Variants in SPAG6 observed in about 807,000 individuals in gnomAD.
SPAG6 encodes sperm associated antigen 6, also known as sperm-associated antigen 6.
SPAG6 carries 49 observed loss-of-function variants against 58.5 expected under a neutral mutation model. That is an observed-to-expected ratio of 0.84 (90% CI 0.67 to 1.06). The LOEUF is 1.06. Ranked by LOEUF, SPAG6 falls within the 50% of genes least tolerant of loss-of-function variation. The pLI is 0.00. For missense variants in SPAG6, 560 were observed against 611.3 expected, an observed-to-expected ratio of 0.92 and a Z score of 0.89; for synonymous variants, 233 against 225.6, an observed-to-expected ratio of 1.03 and a Z score of -0.29.
intron 2 of SPAG6, among the ~76,000 whole-genome samples, chr10:22,352,385 T>A (rs560993244): frequency 1.2e-3 from 187 of 152,102 alleles, no homozygotes; most frequent in Admixed American, 2.2e-3. Flanking sequence ...ACCCTTTTTT[T>A]AAAAAAAATT....
intron 2 of SPAG6, among the ~76,000 whole-genome samples, chr10:22,349,738 G>C (rs2132027159): frequency 6.6e-6 from 1 of 152,324 alleles, no homozygotes; most frequent in Non-Finnish European, 1.5e-5. Context: ...TTTCAGAAGA[G>C]TAGGAATAAA....
At chr10:22,408,385 A>G (rs369794512) in intron 9 of SPAG6, among the ~76,000 whole-genome samples, 2 of 141,198 alleles carry the variant, frequency 1.4e-5, no homozygotes, top group African/African-American at 5.9e-5. Context: ...GTCTGTTGGA[A>G]TACCCTGCCG....
At chr10:22,407,187 T>C (rs2130633168) in intron 9 of SPAG6, among the ~76,000 whole-genome samples, 1 of 151,324 alleles carries the variant, frequency 6.6e-6, no homozygotes, top group East Asian at 1.9e-4. Context: ...ATTATGATGT[T>C]AGCTGGTGAT....
intron 8 of SPAG6, 103 bp downstream of exon 8, chr10:22,392,023 A>G: frequency 2.7e-6 from 2 of 742,640 alleles, no homozygotes; most frequent in Non-Finnish European, 4.3e-6. Flanking sequence ...TTATGAGTCA[A>G]GAAATACAAA....
At chr10:22,387,500 C>T (rs1409928273) in intron 5 of SPAG6, among the ~76,000 whole-genome samples, 1 of 152,102 alleles carries the variant, frequency 6.6e-6, no homozygotes, top group Non-Finnish European at 1.5e-5. Flanking sequence ...ACTAAATGAT[C>T]ACCTGTCTCA....
chr10:22,353,807 G>A (rs1257197536), intron 2 of SPAG6, among the ~76,000 whole-genome samples: 7 of 152,180 alleles, frequency 4.6e-5, no homozygotes, highest in Admixed American at 6.5e-5. Context: ...GAGGGATATC[G>A]TTCAAGGGAG....
intron 2 of SPAG6, among the ~76,000 whole-genome samples, chr10:22,349,285 A>G (rs1347109087): frequency 6.6e-6 from 1 of 152,170 alleles, no homozygotes; most frequent in Non-Finnish European, 1.5e-5. Context: ...ACAATTAAAA[A>G]GTTTAATGTC....
At chr10:22,408,139 G>C (rs568007891) in intron 9 of SPAG6, among the ~76,000 whole-genome samples, 4 of 143,664 alleles carry the variant, frequency 2.8e-5, no homozygotes, top group Non-Finnish European at 5.9e-5. Context: ...CTCTCAGCTC[G>C]TCAAAGTCAT....
At chr10:22,410,893 C>T in intron 9 of SPAG6, 138 bp from the exon 10 acceptor site, 1 of 746,686 alleles carries the variant, frequency 1.3e-6, no homozygotes, top group Non-Finnish European at 2.0e-6. Context: ...AAATTAGCAG[C>T]AGATTTGGCT....
intron 10 of SPAG6, among the ~76,000 whole-genome samples, chr10:22,414,465 CTATT>C (rs1422277803): frequency 6.6e-6 from 1 of 152,114 alleles, no homozygotes; most frequent in Non-Finnish European, 1.5e-5. Context: ...CTATAACTAA[CTATT>C]ACCTTGAAGG....
chr10:22,345,813 A>G lies in SPAG6; in HGVS notation c.116A>G (p.Asn39Ser), dbSNP rs1836506221. 1 of 1,613,014 alleles carries G rather than the reference A, an allele frequency of 6.2e-7. No individual in the cohort carries two copies. Among genetic ancestry groups the G allele is most frequent in the African/African-American group, 1.3e-5 (1 of 74,964 alleles). Residue 39 changes from asparagine (N) to serine (S), a missense_variant, in exon 2 of 11, where the codon AAC becomes AGC. By Grantham distance (46) the Asn-to-Ser change is conservative (BLOSUM62 1). Coordinates refer to ENST00000376624, the MANE Select transcript of SPAG6 (RefSeq NM_012443.4). This position sits in a 1 kb window ranked among gnomAD's most constrained non-coding sequence, Gnocchi z 6.3. Reference protein sequence around the residue: ...TRPQNIETLQNAGVMSLLRTL... With the variant: ...TRPQNIETLQSAGVMSLLRTL... ...CCCCAAAACATCGAGACGCTGCAGA[A>G]CGCGGGTGAGCCCGGAGCCCGAACC...
intron 4 of SPAG6, among the ~76,000 whole-genome samples, chr10:22,383,159 C>CT (rs1411979764): frequency 6.6e-6 from 1 of 152,072 alleles, no homozygotes; most frequent in Non-Finnish European, 1.5e-5. Context: ...TTTGGTCAAC[C>CT]TTTTTTGAGC....
At chr10:22,352,463 TTC>T (rs1160716235) in intron 2 of SPAG6, among the ~76,000 whole-genome samples, 1 of 152,232 alleles carries the variant, frequency 6.6e-6, no homozygotes, top group African/African-American at 2.4e-5. Flanking sequence ...TGAAGACATT[TTC>T]TGTCTTGTTA....
rs1450723270 is a variant in SPAG6, at chr10:22,345,602, CG to C, written c.-5del. ...AGAGCTCGAGGAGGGCAGACGGCGG[CG>C]GGGGCGCCATGAGTCAGAGGCAGGT... On this transcript the variant is annotated 5_prime_UTR_variant, in exon 1 of 11. Coordinates refer to ENST00000376624, the MANE Select transcript of SPAG6 (RefSeq NM_012443.4). The surrounding 1 kb of genome is among the most constrained non-coding windows in gnomAD (Gnocchi z 6.3). 4 of 1,528,768 alleles carry C rather than the reference CG, an allele frequency of 2.6e-6. No individual in the cohort carries two copies. Among genetic ancestry groups the C allele is most frequent in the African/African-American group, 2.8e-5 (2 of 71,540 alleles). The allele number at this position is 1,528,768 out of a possible 1,614,324, so 94.7% of individuals were successfully genotyped here. A position where few individuals can be genotyped will look rare whatever the true frequency, so the allele number is the denominator to read the frequency against.
intron 2 of SPAG6, among the ~76,000 whole-genome samples, chr10:22,351,155 G>C (rs1037976189): frequency 6.6e-6 from 1 of 152,192 alleles, no homozygotes; most frequent in Non-Finnish European, 1.5e-5. Context: ...TGGCTTTGGA[G>C]GTCTCTTTGA....
At chr10:22,348,180 G>A (rs966608371) in intron 2 of SPAG6, among the ~76,000 whole-genome samples, 3 of 152,216 alleles carry the variant, frequency 2.0e-5, no homozygotes, top group South Asian at 2.1e-4. Context: ...TAGTAGAGAC[G>A]GGGTTCCAGC....
chr10:22,369,393 G>GA (rs1427651438), intron 4 of SPAG6, among the ~76,000 whole-genome samples: 1 of 152,138 alleles, frequency 6.6e-6, no homozygotes, highest in Non-Finnish European at 1.5e-5. Flanking sequence ...AACATAAGAA[G>GA]AAAATACAGT....
intron 7 of SPAG6, 107 bp from the exon 8 acceptor site, chr10:22,391,622 A>T (rs778723193): frequency 1.0e-6 from 1 of 963,206 alleles, no homozygotes; most frequent in African/African-American, 1.7e-5. Flanking sequence ...CATTTAAGAA[A>T]AAAAGGATCA....
chr10:22,379,223 G>A (rs1833894781), intron 4 of SPAG6, among the ~76,000 whole-genome samples: 1 of 152,166 alleles, frequency 6.6e-6, no homozygotes, highest in Non-Finnish European at 1.5e-5. Flanking sequence ...GATAGCTCTA[G>A]TGAGTCACTG....
Sources: gnomAD v4.1 joint callset for allele counts (sites outside exome capture counted in the v4.1 genomes callset) on GRCh38, gnomAD v4.1.1 for gene constraint, Gnocchi (gnomAD v3.1) non-coding constraint, MANE v1.5 for transcripts, NCBI Gene and HGNC (gene_info 2026-07-23, HGNC 2026-07-21) for gene names.